The following SNX29 variants were observed in gnomAD, a reference collection of about 807,000 sequenced individuals.
SNX29 encodes the protein sorting nexin-29.
A neutral mutation model predicts 102.1 loss-of-function variants in SNX29; 78 were observed. The observed-to-expected ratio is 0.76, with a 90% CI of 0.64 to 0.92. SNX29 has a LOEUF of 0.92. Ranked by LOEUF, SNX29 falls within the 40% of genes least tolerant of loss-of-function variation. The pLI is 0.00. For missense variants in SNX29, 1,280 were observed against 1,061.7 expected (o/e 1.21, Z -2.86); for synonymous variants, 580 against 414.5 (o/e 1.40, Z -4.85).
At chr16:12,543,709 G>C (rs139639040) in intron 20 of SNX29, among the ~76,000 whole-genome samples, 7 of 152,208 alleles carry the variant, frequency 4.6e-5, no homozygotes, top group Non-Finnish European at 7.3e-5. Flanking sequence ...TATTAACCAC[G>C]GGAATTAATG....
At chr16:12,181,888 T>G (rs538521750) in intron 13 of SNX29, among the ~76,000 whole-genome samples, 50 of 151,984 alleles carry the variant, frequency 3.3e-4, no homozygotes, top group African/African-American at 1.1e-3. Flanking sequence ...TCTGCCTTTT[T>G]TTTTTTTTTT....
intron 20 of SNX29, among the ~76,000 whole-genome samples, chr16:12,565,201 T>TA (rs2078946605): frequency 6.6e-6 from 1 of 152,194 alleles, no homozygotes; most frequent in Non-Finnish European, 1.5e-5. Context: ...GATTCTGCTA[T>TA]TCAGCCAGAC....
chr16:12,399,008 A>G (rs1002046492), intron 17 of SNX29, among the ~76,000 whole-genome samples: 1 of 152,028 alleles, frequency 6.6e-6, no homozygotes, highest in Admixed American at 6.6e-5. Context: ...GTTCAATTCT[A>G]TTTGGCACCT....
At chr16:12,552,892 C>T (rs1430572996) in intron 20 of SNX29, among the ~76,000 whole-genome samples, 2 of 152,204 alleles carry the variant, frequency 1.3e-5, no homozygotes, top group African/African-American at 4.8e-5. Context: ...GACATGGAGG[C>T]AGGAGATAGG....
At chr16:12,248,129 G>A (rs923831625) in intron 14 of SNX29, among the ~76,000 whole-genome samples, 1 of 152,312 alleles carries the variant, frequency 6.6e-6, no homozygotes, top group African/African-American at 2.4e-5. Flanking sequence ...TTTGAAAATA[G>A]AAGTTGGCTC....
At chr16:12,560,206 G>C (rs1384342509) in intron 20 of SNX29, among the ~76,000 whole-genome samples, 2 of 141,638 alleles carry the variant, frequency 1.4e-5, no homozygotes, top group Non-Finnish European at 1.5e-5. Flanking sequence ...GCTTGTAGAA[G>C]AGCAACTACA....
At chr16:12,186,633 C>G (rs1427252272) in intron 13 of SNX29, among the ~76,000 whole-genome samples, 1 of 152,136 alleles carries the variant, frequency 6.6e-6, no homozygotes, top group Non-Finnish European at 1.5e-5. Flanking sequence ...GGATCCAGTC[C>G]AGGATCAGGC....
intron 19 of SNX29, among the ~76,000 whole-genome samples, chr16:12,486,394 G>T (rs1490391530): frequency 6.6e-6 from 1 of 152,110 alleles, no homozygotes; most frequent in Non-Finnish European, 1.5e-5. Context: ...TTGGGAGAGG[G>T]TGGGCCTCAT....
chr16:12,003,129 A>G, intron 3 of SNX29, 86 bp downstream of exon 3: 1 of 1,548,354 alleles, frequency 6.5e-7, no homozygotes, highest in Non-Finnish European at 8.9e-7. Context: ...TTGACCATCG[A>G]GGTTGGAAAG....
chr16:12,205,459 C>A (rs949384231), intron 14 of SNX29, among the ~76,000 whole-genome samples: 1 of 152,178 alleles, frequency 6.6e-6, no homozygotes, highest in Non-Finnish European at 1.5e-5. Context: ...CTGGCTCTTC[C>A]CTAAGTTCCA....
At chr16:12,178,183 A>G (rs985580159) in intron 13 of SNX29, among the ~76,000 whole-genome samples, 1 of 152,158 alleles carries the variant, frequency 6.6e-6, no homozygotes. Flanking sequence ...CAAGACGCAC[A>G]GGGACCCTGG....
At chr16:12,487,387 G>A (rs892621749) in intron 19 of SNX29, among the ~76,000 whole-genome samples, 7 of 152,064 alleles carry the variant, frequency 4.6e-5, no homozygotes, top group African/African-American at 1.4e-4. Context: ...CAGACACACC[G>A]GGAACTTTGC....
chr16:12,366,554 G>A (rs1298234326), intron 16 of SNX29, among the ~76,000 whole-genome samples: 2 of 152,158 alleles, frequency 1.3e-5, no homozygotes, highest in Admixed American at 1.3e-4. Flanking sequence ...CAGTGGGCCT[G>A]CCTGTGTTTA....
intron 14 of SNX29, among the ~76,000 whole-genome samples, chr16:12,220,387 G>A (rs193083780): frequency 6.6e-6 from 1 of 152,174 alleles, no homozygotes; most frequent in East Asian, 1.9e-4. Context: ...GGAGGTTAGG[G>A]GCCTGCATAG....
chr16:12,437,925 C>T (rs1025707225), intron 18 of SNX29, among the ~76,000 whole-genome samples: 1 of 152,190 alleles, frequency 6.6e-6, no homozygotes, highest in Non-Finnish European at 1.5e-5. Context: ...CAGCCCAGGG[C>T]CCCAGCGGTC....
At chr16:12,567,615 ACT>A (rs1324745633) in intron 20 of SNX29, among the ~76,000 whole-genome samples, 1 of 152,046 alleles carries the variant, frequency 6.6e-6, no homozygotes, top group Non-Finnish European at 1.5e-5. Context: ...AAAAAATTAC[ACT>A]CAGGTATGGT....
In SNX29 at chr16:12,151,067, T is replaced by G. The variant is rs970903864; in HGVS notation, c.1595+21309T>G. On this transcript the variant is annotated intron_variant, in intron 13 of 20. Transcript: ENST00000566228. ...TTTTTATTTAAAAATTTTTAAATTATGGAATTTTTCAAACATGAACAAAAA... is the reference window on the plus strand; with the variant it reads ...TTTTTATTTAAAAATTTTTAAATTAGGGAATTTTTCAAACATGAACAAAAA... 5.9e-5 allele frequency among the ~76,000 whole-genome samples: 9 copies of G among 152,302 alleles called. No homozygotes were observed. The South Asian group carries it at 1.9e-3, about 32-fold the overall frequency.
rs1214461702 is a variant in SNX29 at position 12,080,279 on chromosome 16, T to G, written c.1402+1364T>G. 2.0e-5 allele frequency among the ~76,000 whole-genome samples: 3 copies of G among 152,180 alleles called. No homozygotes were observed. In the East Asian group the frequency reaches 5.8e-4, roughly 29 times the overall value. The stretch of plus-strand genomic sequence containing the variant: ...GAAAGAGTTTGGGAGGCACCCAGCA[T>G]TCTTTGATTCAAGGGTGAAGCAGGA... On this transcript the variant is annotated intron_variant, in intron 11 of 20. Coordinates refer to ENST00000566228, the MANE Select transcript of SNX29 (RefSeq NM_032167.5).
chr16:12,230,840 G>A (rs13331722), intron 14 of SNX29, among the ~76,000 whole-genome samples: 59 of 150,248 alleles, frequency 3.9e-4, no homozygotes, highest in African/African-American at 9.1e-4. Context: ...ATGTATGTAT[G>A]TATGTATATA....
Sources: gnomAD v4.1 joint callset for allele counts (sites outside exome capture counted in the v4.1 genomes callset) on GRCh38, gnomAD v4.1.1 for gene constraint, MANE v1.5 for transcripts, NCBI Gene and HGNC (gene_info 2026-07-23, HGNC 2026-07-21) for gene names.